PEAK1: variants seen among roughly 807,000 people sequenced by gnomAD.
PEAK1 encodes inactive tyrosine-protein kinase PEAK1.
PEAK1 carries 54 observed loss-of-function variants against 124.7 expected under a neutral mutation model. The ratio of observed to expected loss-of-function variants is 0.43; its 90% CI spans 0.35 to 0.54. PEAK1 has a LOEUF of 0.54. Ranked by LOEUF, PEAK1 falls within the 20% of genes least tolerant of loss-of-function variation. The probability of loss-of-function intolerance (pLI) is 0.01; values close to 1 mark genes in which losing one functional copy is unlikely to be tolerated. For missense variants in PEAK1, 2,046 were observed against 2,134.5 expected (o/e 0.96, Z 0.82); for synonymous variants, 719 against 760.0 (o/e 0.95, Z 0.89).
chr15:77,334,449 T>C, intron 2 of PEAK1: 1 of 985,286 alleles, frequency 1.0e-6, no homozygotes. Flanking sequence ...TGCTTATCCT[T>C]GTTTCCGAGA....
Position 77,181,221 on chromosome 15 carries a change from T to C in PEAK1, c.706A>G (p.Ser236Gly). The part of the protein sequence containing the change: ...CYPEFSSGEE[S>G]EEDVLFSNME... Reference sequence around the variant, plus strand: ...TTACTGAAAAGTACATCCTCTTCACTCTCCTCGCCACTGGAAAACTCTGGG... The same window carrying C: ...TTACTGAAAAGTACATCCTCTTCACCCTCCTCGCCACTGGAAAACTCTGGG... Residue 236 changes from serine (S) to glycine (G), a missense_variant, in exon 7 of 10, where the codon AGT becomes GGT. Ser to Gly is a moderately conservative substitution (Grantham distance 56, BLOSUM62 0). Transcript: ENST00000682557. 3.7e-6 allele frequency: 6 copies of C among 1,613,858 alleles called. No individual in the cohort carries two copies. Among genetic ancestry groups the C allele is most frequent in the Non-Finnish European group, 5.1e-6 (6 of 1,179,940 alleles).
chr15:77,350,352 T>C (rs2067132803), intron 2 of PEAK1: 1 of 985,264 alleles, frequency 1.0e-6, no homozygotes, highest in Non-Finnish European at 1.2e-6. Flanking sequence ...TATCATCAAA[T>C]TAACTACTTA....
chr15:77,101,702 G>GTCT (rs2050695729), exon 7 of PEAK1: 1 of 152,196 alleles, frequency 6.6e-6, no homozygotes, highest in Admixed American at 6.5e-5. Context: ...GGAGGAGGGG[G>GTCT]TCTTGGAGTC....
Position 77,158,599 on chromosome 15 carries a change from C to T in PEAK1, c.3235G>A (p.Ala1079Thr), listed in dbSNP as rs373296723. 77 of 1,613,968 alleles carry T rather than the reference C, an allele frequency of 4.8e-5. No individual in the cohort carries two copies. Among genetic ancestry groups the T allele is most frequent in the Non-Finnish European group, 6.2e-5 (73 of 1,179,952 alleles). Residue 1079 changes from alanine (A) to threonine (T), a missense_variant, in exon 8 of 10, where the codon GCA becomes ACA. By Grantham distance (58) the Ala-to-Thr change is moderately conservative (BLOSUM62 0). Transcript: ENST00000682557. ...CTTTCCAGTTCAGGTAGGGACAATG[C>T]TGTTGTGACTGAAGTGCAGCCCCTG... Reference protein sequence around the residue: ...DGRGCTSVTTALSLPELERED... With the variant: ...DGRGCTSVTTTLSLPELERED...
At chr15:77,229,569 T>C (rs920085108) in intron 6 of PEAK1, among the ~76,000 whole-genome samples, 1 of 152,112 alleles carries the variant, frequency 6.6e-6, no homozygotes, top group African/African-American at 2.4e-5. Flanking sequence ...TAATAACTTC[T>C]CTCATGACCA....
intron 1 of PEAK1, among the ~76,000 whole-genome samples, chr15:77,412,049 TTAAG>T (rs1188256480): frequency 6.6e-6 from 1 of 152,178 alleles, no homozygotes; most frequent in African/African-American, 2.4e-5. Context: ...ATAATAGGTA[TTAAG>T]TGTTTATTAA....
intron 6 of PEAK1, among the ~76,000 whole-genome samples, chr15:77,227,731 C>T (rs1004074308): frequency 2.0e-5 from 3 of 152,090 alleles, no homozygotes; most frequent in African/African-American, 4.8e-5. Context: ...GGCACAGTTG[C>T]TCATGCCTGT....
chr15:77,378,207 T>C lies in PEAK1; in HGVS notation c.-665-12982A>G, dbSNP rs939252746. Among the ~76,000 whole-genome samples, 47 of 145,884 alleles carry C rather than the reference T, an allele frequency of 3.2e-4. 1 individual carries two copies. The highest frequency in any genetic ancestry group is 2.2e-3 in the Admixed American group (33 of 14,748). On this transcript the variant is annotated intron_variant, in intron 1 of 9. Coordinates refer to ENST00000682557, the MANE Select transcript of PEAK1 (RefSeq NM_001385026.1). ...ACAATATTATATATATATATATATA[T>C]ACATAATCCCATAAAAATAAAGCAA... is the stretch of plus-strand genomic sequence containing the variant.
Position 77,114,768 on chromosome 15 carries a change from G to A in PEAK1, c.4629C>T (p.Pro1543=), listed in dbSNP as rs776145139. Reference sequence around the variant, plus strand: ...TAAGCCTAGTGGGATAAGATGAGGTGGGGCTGGGCTCTGCAGGCCCAAAGC... The same window carrying A: ...TAAGCCTAGTGGGATAAGATGAGGTAGGGCTGGGCTCTGCAGGCCCAAAGC... The part of the protein sequence containing the change: ...AQGFGPAEPS[P]TSSYPTRLIV... Residue 1543 remains proline (P), a synonymous_variant, in exon 10 of 10, where the codon CCC becomes CCT. Transcript: ENST00000682557. The A allele has an allele frequency of 3.1e-6, 5 of 1,613,026 alleles. No individual in the cohort carries two copies. Among genetic ancestry groups the A allele is most frequent in the Non-Finnish European group, 4.2e-6 (5 of 1,179,920 alleles).
At chr15:77,335,671 G>T (rs2141278574) in intron 2 of PEAK1, 1 of 723,290 alleles carries the variant, frequency 1.4e-6, no homozygotes, top group African/African-American at 1.9e-5. Context: ...GTAAAGACAG[G>T]GTCTTGCCCA....
intron 6 of PEAK1, among the ~76,000 whole-genome samples, chr15:77,244,663 G>A (rs1423340734): frequency 1.3e-5 from 2 of 151,184 alleles, no homozygotes; most frequent in South Asian, 2.1e-4. Flanking sequence ...ATCTCGGCTC[G>A]CTGCAGCCTC....
At chr15:77,386,102 C>A (rs908735972) in intron 1 of PEAK1, among the ~76,000 whole-genome samples, 12 of 152,164 alleles carry the variant, frequency 7.9e-5, no homozygotes, top group African/African-American at 2.9e-4. Flanking sequence ...TTAATAACAG[C>A]AGCTAAACAT....
At chr15:77,359,807 T>C (rs532965458) in intron 2 of PEAK1, among the ~76,000 whole-genome samples, 1 of 152,214 alleles carries the variant, frequency 6.6e-6, no homozygotes. Flanking sequence ...TGGAAAAACA[T>C]TCAGTGTTTA....
Position 77,180,218 on chromosome 15 carries a change from G to C in PEAK1, c.1709C>G (p.Pro570Arg), listed in dbSNP as rs1164661021. ...PPRKNCHKSAPTSPTATNISS... is the reference protein window; with the variant it reads ...PPRKNCHKSARTSPTATNISS... ...AATGTTTGTAGCTGTGGGTGATGTAGGTGCTGATTTGTGACAGTTTTTCCT... is the reference window on the plus strand; with the variant it reads ...AATGTTTGTAGCTGTGGGTGATGTACGTGCTGATTTGTGACAGTTTTTCCT... Residue 570 changes from proline (P) to arginine (R), a missense_variant, in exon 7 of 10, where the codon CCT becomes CGT. Coordinates refer to ENST00000682557, the MANE Select transcript of PEAK1 (RefSeq NM_001385026.1). The C allele has an allele frequency of 1.2e-6, 2 of 1,614,174 alleles. No individual in the cohort carries two copies. Among genetic ancestry groups the C allele is most frequent in the Admixed American group, 3.3e-5 (2 of 60,026 alleles).
intron 2 of PEAK1, chr15:77,352,738 C>T: frequency 1.0e-6 from 1 of 964,394 alleles, no homozygotes; most frequent in Non-Finnish European, 1.2e-6. Context: ...ATTTAACAGA[C>T]AAAAAATATT....
intron 9 of PEAK1, among the ~76,000 whole-genome samples, chr15:77,130,360 C>T (rs2052755183): frequency 6.6e-6 from 1 of 152,166 alleles, no homozygotes; most frequent in South Asian, 2.1e-4. Context: ...TTTTTAAACT[C>T]AATAGTAATG....
chr15:77,326,449 C>T (rs2065582696), intron 2 of PEAK1, among the ~76,000 whole-genome samples: 2 of 152,040 alleles, frequency 1.3e-5, no homozygotes, highest in African/African-American at 2.4e-5. Context: ...TTAAAACATT[C>T]GTAAGAATGA....
In PEAK1 at chr15:77,112,605, T is replaced by G. The variant is rs1037237176; in HGVS notation, c.*1551A>C. ...GACTCTTGGGATTTCAAGGTCAAAGTAAACACATACTCACAGTTTTGAATA... is the reference window on the plus strand; with the variant it reads ...GACTCTTGGGATTTCAAGGTCAAAGGAAACACATACTCACAGTTTTGAATA... On this transcript the variant is annotated 3_prime_UTR_variant, in exon 10 of 10. Transcript: ENST00000682557. The G allele has an allele frequency of 1.3e-5, 2 of 151,408 alleles. No individual in the cohort carries two copies. Among genetic ancestry groups the G allele is most frequent in the Admixed American group, 1.3e-4 (2 of 15,190 alleles). The allele number at this position is 151,408 out of a possible 1,614,324, so 9.4% of individuals were successfully genotyped here. A position where few individuals can be genotyped will look rare whatever the true frequency, so the allele number is the denominator to read the frequency against.
At chr15:77,286,090 A>ATC (rs2062917626) in intron 3 of PEAK1, among the ~76,000 whole-genome samples, 1 of 152,188 alleles carries the variant, frequency 6.6e-6, no homozygotes, top group African/African-American at 2.4e-5. Flanking sequence ...TTCAAAGAAC[A>ATC]TCTTTATTTC....
Sources: allele counts gnomAD v4.1 joint callset (sites outside exome capture counted in the v4.1 genomes callset), GRCh38; gene constraint gnomAD v4.1.1; transcripts MANE v1.5; gene names NCBI Gene and HGNC (gene_info 2026-07-23, HGNC 2026-07-21).